ATG13: variants seen among roughly 807,000 people sequenced by gnomAD.
ATG13 encodes the protein autophagy related 13, also known as autophagy-related protein 13.
In ATG13, 23 loss-of-function variants were observed where a neutral mutation model predicts 65.5. The observed-to-expected ratio is 0.35, with a 90% CI of 0.25 to 0.50. ATG13 has a LOEUF of 0.50. ATG13 is among the 20% of genes least tolerant of loss of function. The pLI is 0.98. For missense variants in ATG13, 566 were observed against 677.0 expected (o/e 0.84, Z 1.82); for synonymous variants, 252 against 245.2 (o/e 1.03, Z -0.26).
At chr11:46,638,933 A>G (rs2136131759) in intron 2 of ATG13, among the ~76,000 whole-genome samples, 1 of 152,108 alleles carries the variant, frequency 6.6e-6, no homozygotes, top group East Asian at 1.9e-4. Flanking sequence ...TCAGCCTTCC[A>G]AGTAGCTGGG....
intron 7 of ATG13, among the ~76,000 whole-genome samples, chr11:46,652,085 A>G (rs2059022661): frequency 6.6e-6 from 1 of 152,044 alleles, no homozygotes; most frequent in Non-Finnish European, 1.5e-5. Flanking sequence ...TGTCTCTACT[A>G]AAAATACAAA....
At position 46,671,932 on chromosome 11, in the gene ATG13, AG is replaced by A. The variant is rs1300038189; in HGVS notation, c.1576-322del. Among the ~76,000 whole-genome samples the A allele has an allele frequency of 2.6e-5, 4 of 152,228 alleles. No individual in the cohort carries two copies. The East Asian group carries it at 7.7e-4, about 29-fold the overall frequency. On this transcript the variant is annotated intron_variant, in intron 18 of 18. Transcript: ENST00000683050. Reference sequence around the variant, plus strand: ...AGCTGTACACTTGGTATTTTATTCTAGTGTCAGTCAGATCTGTGCCAGGGAT... The same window carrying A: ...AGCTGTACACTTGGTATTTTATTCTATGTCAGTCAGATCTGTGCCAGGGAT...
intron 11 of ATG13, among the ~76,000 whole-genome samples, chr11:46,661,390 C>T (rs2061177253): frequency 6.6e-6 from 1 of 151,444 alleles, no homozygotes; most frequent in Non-Finnish European, 1.5e-5. Context: ...TAGCGGTGGG[C>T]GCCTATAATC....
rs1454509892 is a variant in ATG13, at chr11:46,633,031, T to A, written c.-14+2931T>A. The stretch of plus-strand genomic sequence containing the variant: ...ATATATATATATATATATATATTTT[T>A]TTTTTTTTTTGGCAACGGGGTCTTG... On this transcript the variant is annotated intron_variant, in intron 2 of 18. Transcript: ENST00000683050. Among the ~76,000 whole-genome samples the A allele has an allele frequency of 1.0e-3, 141 of 135,458 alleles. 1 individual carries two copies. The highest frequency in any genetic ancestry group is 1.7e-3 in the Non-Finnish European group (108 of 62,624). The allele number at this position is 135,458 out of a possible 152,430, so 88.9% of individuals were successfully genotyped here.
intron 1 of ATG13, among the ~76,000 whole-genome samples, chr11:46,624,207 T>C (rs545140875): frequency 1.1e-4 from 16 of 152,236 alleles, no homozygotes; most frequent in African/African-American, 3.9e-4. Context: ...TTTCGCCATG[T>C]TGGCCAGGCT....
chr11:46,657,409 A>G (rs1380390989), intron 9 of ATG13, 115 bp from the exon 10 acceptor site: 2 of 1,085,146 alleles, frequency 1.8e-6, no homozygotes, highest in Non-Finnish European at 2.8e-6. Flanking sequence ...GGATTGTGAT[A>G]GTTAAAGCTC....
intron 14 of ATG13, among the ~76,000 whole-genome samples, chr11:46,665,827 CAG>C (rs1264309257): frequency 5.8e-5 from 5 of 86,578 alleles, no homozygotes; most frequent in Non-Finnish European, 6.9e-5. Context: ...TTTTTGGAGA[CAG>C]AGTCTCACTC....
At chr11:46,653,574 T>G (rs1206445282) in intron 7 of ATG13, among the ~76,000 whole-genome samples, 1 of 151,924 alleles carries the variant, frequency 6.6e-6, no homozygotes, top group East Asian at 1.9e-4. Flanking sequence ...TTCTTTTTTT[T>G]TTTTTTGTTT....
At chr11:46,665,797 C>CTTTTTTTTTT (rs1159523560) in intron 14 of ATG13, among the ~76,000 whole-genome samples, 4 of 87,776 alleles carry the variant, frequency 4.6e-5, no homozygotes, top group Non-Finnish European at 8.2e-5. Flanking sequence ...TTTATTTTTC[C>CTTTTTTTTTT]TTTTTTTTTT....
chr11:46,628,825 C>A (rs1003716292), intron 1 of ATG13, among the ~76,000 whole-genome samples: 2 of 152,022 alleles, frequency 1.3e-5, no homozygotes, highest in African/African-American at 4.8e-5. Flanking sequence ...TTGGCAAATG[C>A]ATAAGTCTTA....
chr11:46,648,159 G>A (rs190276360), intron 5 of ATG13, among the ~76,000 whole-genome samples: 7 of 150,856 alleles, frequency 4.6e-5, no homozygotes, highest in South Asian at 2.1e-4. Context: ...GCAGTGGCAC[G>A]ATCTTGGCTC....
At chr11:46,650,138 TA>T in intron 6 of ATG13, 38 bp from the exon 7 acceptor site, 1 of 1,605,090 alleles carries the variant, frequency 6.2e-7, no homozygotes. Context: ...GCTCCAGCGC[TA>T]AATAGAAGAA....
rs1308423757 is a variant in ATG13, at chr11:46,646,034, T to C, written c.270+45T>C. The C allele has an allele frequency of 1.9e-6, 3 of 1,610,222 alleles. No homozygotes were observed. In the South Asian group the frequency reaches 3.3e-5, roughly 18 times the overall value. On this transcript the variant is annotated intron_variant, in intron 5 of 18. Transcript: ENST00000683050. ...GGTGTCTTCATTTAGCACTGAAGGCTCCTCACACTCTGAGTCCAGTTCATT... is the reference window on the plus strand; with the variant it reads ...GGTGTCTTCATTTAGCACTGAAGGCCCCTCACACTCTGAGTCCAGTTCATT...
intron 11 of ATG13, among the ~76,000 whole-genome samples, chr11:46,661,142 C>T (rs916163471): frequency 1.3e-5 from 2 of 152,216 alleles, no homozygotes; most frequent in African/African-American, 2.4e-5. Context: ...CCTCCCACCT[C>T]AGTCTCCCAA....
intron 1 of ATG13, among the ~76,000 whole-genome samples, chr11:46,625,985 G>A (rs2049442880): frequency 6.6e-6 from 1 of 151,972 alleles, no homozygotes; most frequent in South Asian, 2.1e-4. Context: ...TTTTTGAGAC[G>A]GAGTCTGTCG....
Position 46,655,768 on chromosome 11 carries a change from C to T in ATG13, c.459-465C>T, listed in dbSNP as rs188189939. On this transcript the variant is annotated intron_variant, in intron 7 of 18. Coordinates refer to ENST00000683050, the MANE Select transcript of ATG13 (RefSeq NM_001346311.2). ...CATTTCTTTTTTTGAGACAGCGTCT[C>T]ATCCTTTTGCCCAGGCTGGAATGCA... 1.6e-3 allele frequency among the ~76,000 whole-genome samples: 240 copies of T among 152,282 alleles called. 3 individuals carry two copies. The highest frequency in any genetic ancestry group is 2.4e-3 in the Non-Finnish European group (161 of 68,030).
At chr11:46,670,732 G>A (rs542013473) in intron 18 of ATG13, among the ~76,000 whole-genome samples, 2 of 152,144 alleles carry the variant, frequency 1.3e-5, no homozygotes, top group East Asian at 3.9e-4. Context: ...TTGCTTGCTT[G>A]AGCTGGGGAA....
intron 2 of ATG13, among the ~76,000 whole-genome samples, chr11:46,643,445 C>T (rs1459098435): frequency 1.6e-4 from 25 of 152,100 alleles, no homozygotes; most frequent in Admixed American, 1.6e-3. Context: ...CGTCCATTAA[C>T]ATTTTCCAAC....
chr11:46,667,860 G>A lies in ATG13; in HGVS notation c.1224G>A (p.Gly408=). 6.2e-7 allele frequency: 1 copy of A among 1,612,522 alleles called. No individual in the cohort carries two copies. The highest frequency in any genetic ancestry group is 8.5e-7 in the Non-Finnish European group (1 of 1,178,702). The change falls in exon 15 of 19, where the codon GGG becomes GGA. Residue 408 remains glycine (G), a synonymous_variant. Coordinates refer to ENST00000683050, the MANE Select transcript of ATG13 (RefSeq NM_001346311.2). ...AGACCATCTTTGTCCGAAAAGTGGG[G>A]GCTTTTGTCAACAAACCCATTAACC... The part of the protein sequence containing the change: ...VLETIFVRKV[G]AFVNKPINQV...
Sources: gnomAD v4.1 joint callset for allele counts (sites outside exome capture counted in the v4.1 genomes callset) on GRCh38, gnomAD v4.1.1 for gene constraint, MANE v1.5 for transcripts, NCBI Gene and HGNC (gene_info 2026-07-23, HGNC 2026-07-21) for gene names.